Variants in MAPK9 observed in about 807,000 individuals in gnomAD.
The protein encoded by MAPK9 is mitogen-activated protein kinase 9.
MAPK9 carries 30 observed loss-of-function variants against 57.1 expected under a neutral mutation model. That is an observed-to-expected ratio of 0.53 (90% CI 0.39 to 0.71). The LOEUF is 0.71. Ranked by LOEUF, MAPK9 falls within the 30% of genes least tolerant of loss-of-function variation. MAPK9 has a pLI of 0.00. For synonymous variants in MAPK9, 155 were observed against 177.0 expected (o/e 0.88, Z 0.99); for missense variants, 362 against 521.0 (o/e 0.69, Z 2.97).
intron 2 of MAPK9, among the ~76,000 whole-genome samples, chr5:180,271,864 A>AT (rs1329069021): frequency 6.6e-6 from 1 of 152,074 alleles, no homozygotes; most frequent in East Asian, 1.9e-4. Flanking sequence ...TTAGACCATG[A>AT]TTTTTTCTAG....
At chr5:180,259,317 A>G (rs1448328782) in intron 5 of MAPK9, among the ~76,000 whole-genome samples, 1 of 151,794 alleles carries the variant, frequency 6.6e-6, no homozygotes, top group Non-Finnish European at 1.5e-5. Flanking sequence ...TCAAGTCTTC[A>G]GACATTCCAG....
chr5:180,239,960 A>T lies in MAPK9; in HGVS notation c.1024T>A (p.Leu342Met). Residue 342 changes from leucine (L) to methionine (M), a missense_variant, in exon 10 of 12, where the codon TTG (leucine) becomes ATG (methionine). Leu to Met is a conservative substitution (Grantham distance 15, BLOSUM62 2). Coordinates refer to ENST00000452135, the MANE Select transcript of MAPK9 (RefSeq NM_002752.5). ...APPPQIYDAQ[L>M]EEREHAIEEW... ...TCAATTGCATGTTCTCTTTCTTCCA[A>T]CTGGGCATCATAAATTTGAGGTGGT... 1 of 1,613,708 alleles carries T rather than the reference A, an allele frequency of 6.2e-7. No individual in the cohort carries two copies.
At chr5:180,289,185 G>A (rs1411748460) in intron 1 of MAPK9, among the ~76,000 whole-genome samples, 2 of 152,086 alleles carry the variant, frequency 1.3e-5, no homozygotes, top group African/African-American at 4.8e-5. Context: ...GCTATTAACT[G>A]GTTTGTCTGG....
intron 4 of MAPK9, 129 bp downstream of exon 4, chr5:180,264,652 A>C (rs769277052): frequency 1.3e-4 from 108 of 828,552 alleles, no homozygotes; most frequent in Non-Finnish European, 1.8e-4. Flanking sequence ...TCTGCAACAG[A>C]GAAAGTTATC....
At chr5:180,274,262 A>G (rs991437722) in intron 2 of MAPK9, among the ~76,000 whole-genome samples, 1 of 152,198 alleles carries the variant, frequency 6.6e-6, no homozygotes, top group African/African-American at 2.4e-5. Flanking sequence ...TAAATATGCA[A>G]TTTTGCAGGG....
rs1758418904 is a variant in MAPK9 at position 180,249,147 on chromosome 5, GA to G, written c.451-10del. On this transcript the variant is annotated splice_polypyrimidine_tract_variant and intron_variant, in intron 5 of 11. Transcript: ENST00000452135. Reference sequence around the variant, plus strand: ...TTGCTAGGCTTCAAATCCTAGGAAAGAAATGGCTTAAATTAGTAAAATGAAT... The same window carrying G: ...TTGCTAGGCTTCAAATCCTAGGAAAGAATGGCTTAAATTAGTAAAATGAAT... 1 of 1,600,988 alleles carries G rather than the reference GA, an allele frequency of 6.2e-7. No homozygotes were observed. Among genetic ancestry groups the G allele is most frequent in the Admixed American group, 1.7e-5 (1 of 57,334 alleles).
intron 3 of MAPK9, among the ~76,000 whole-genome samples, chr5:180,267,575 AAAAAAAG>A (rs1369006282): frequency 1.3e-5 from 2 of 151,452 alleles, no homozygotes; most frequent in Non-Finnish European, 2.9e-5. Context: ...AAAAAAAAAA[AAAAAAAG>A]AAAAAGTAAA....
intron 5 of MAPK9, among the ~76,000 whole-genome samples, chr5:180,252,800 G>A (rs764273564): frequency 6.6e-6 from 1 of 152,194 alleles, no homozygotes; most frequent in Non-Finnish European, 1.5e-5. Context: ...GCCTGCCAAT[G>A]TGAGAGCTGA....
At position 180,277,971 on chromosome 5, in the gene MAPK9, AAGTC is replaced by A. The variant is rs777834322; in HGVS notation, c.122+2465_122+2468del. 1.1e-4 allele frequency among the ~76,000 whole-genome samples: 16 copies of A among 152,252 alleles called. 1 individual carries two copies. The highest frequency in any genetic ancestry group is 2.2e-4 in the Non-Finnish European group (15 of 68,042). ...AGATAGAAGGATACCATAAAACTGA[AAGTC>A]AGTTATAGCTATAAAAATTGAAACT... is the stretch of plus-strand genomic sequence containing the variant. On this transcript the variant is annotated intron_variant, in intron 2 of 11. Transcript: ENST00000452135.
intron 2 of MAPK9, among the ~76,000 whole-genome samples, chr5:180,272,911 G>A (rs1559115): frequency 0.95 from 144,366 of 152,194 alleles, 68,554 homozygotes; most frequent in East Asian, 1. Flanking sequence ...CTCTTTGCCA[G>A]AGCGTTTCTA....
chr5:180,265,639 T>A (rs1336506924), intron 3 of MAPK9, among the ~76,000 whole-genome samples: 1 of 152,242 alleles, frequency 6.6e-6, no homozygotes, highest in Non-Finnish European at 1.5e-5. Flanking sequence ...CTTTCCTTTA[T>A]AAGTTACACT....
At chr5:180,260,851 C>T (rs1035334984) in intron 5 of MAPK9, among the ~76,000 whole-genome samples, 1 of 151,946 alleles carries the variant, frequency 6.6e-6, no homozygotes, top group Non-Finnish European at 1.5e-5. Context: ...TACATCAATT[C>T]CATCTTTCTT....
chr5:180,253,064 G>T (rs1206140867), intron 5 of MAPK9, among the ~76,000 whole-genome samples: 1 of 152,190 alleles, frequency 6.6e-6, no homozygotes, highest in South Asian at 2.1e-4. Context: ...GGCCCAGTGT[G>T]GTGTCTGCAC....
chr5:180,241,454 T>C (rs1757651466), intron 8 of MAPK9, among the ~76,000 whole-genome samples: 1 of 152,018 alleles, frequency 6.6e-6, no homozygotes. Context: ...TCTGCCACCA[T>C]GCCCGGATAA....
rs1477542057 is a variant in MAPK9 at position 180,250,185 on chromosome 5, G to A, written c.451-1047C>T. On this transcript the variant is annotated intron_variant, in intron 5 of 11. Coordinates refer to ENST00000452135, the MANE Select transcript of MAPK9 (RefSeq NM_002752.5). ...CAGCACTCAGAAGCACGCCTGGCGC[G>A]AGCAGACACTTGGGAAGTGTCTGCA... Among the ~76,000 whole-genome samples, 18 of 152,200 alleles carry A rather than the reference G, an allele frequency of 1.2e-4. No homozygotes were observed. In the East Asian group the frequency reaches 2.5e-3, roughly 21 times the overall value.
intron 4 of MAPK9, chr5:180,263,157 T>C (rs573650349): frequency 6.6e-6 from 1 of 152,362 alleles, no homozygotes; most frequent in Non-Finnish European, 1.5e-5. Context: ...ACAGCCTTCA[T>C]CATCTCAGTT....
chr5:180,252,594 G>GT, intron 5 of MAPK9, among the ~76,000 whole-genome samples: 2 of 152,224 alleles, frequency 1.3e-5, no homozygotes, highest in South Asian at 4.1e-4. Flanking sequence ...CCTTCCCACT[G>GT]TGACGACTCT....
Position 180,239,347 on chromosome 5 carries a change from G to T in MAPK9, c.1060+577C>A, listed in dbSNP as rs536775842. Among the ~76,000 whole-genome samples the T allele has an allele frequency of 2.0e-5, 3 of 152,308 alleles. No individual in the cohort carries two copies. The East Asian group carries it at 5.8e-4, about 29-fold the overall frequency. On this transcript the variant is annotated intron_variant, in intron 10 of 11. Coordinates refer to ENST00000452135, the MANE Select transcript of MAPK9 (RefSeq NM_002752.5). Reference sequence around the variant, plus strand: ...GCTGTGTGCATGCACTGCTGAGCACGGGCACACACAGGTAACCGGCACTCC... The same window carrying T: ...GCTGTGTGCATGCACTGCTGAGCACTGGCACACACAGGTAACCGGCACTCC...
At chr5:180,260,886 T>C (rs1178226159) in intron 5 of MAPK9, among the ~76,000 whole-genome samples, 1 of 152,184 alleles carries the variant, frequency 6.6e-6, no homozygotes, top group Non-Finnish European at 1.5e-5. Flanking sequence ...TACTGTTTTT[T>C]GGCAGGAAGA....
Sources: allele counts gnomAD v4.1 joint callset (sites outside exome capture counted in the v4.1 genomes callset), GRCh38; gene constraint gnomAD v4.1.1; transcripts MANE v1.5; gene names NCBI Gene and HGNC (gene_info 2026-07-23, HGNC 2026-07-21).